Variants in PSMA8 observed in about 807,000 individuals in gnomAD.
The protein encoded by PSMA8 is proteasome subunit alpha-type 8.
In PSMA8, 18 loss-of-function variants were observed where a neutral mutation model predicts 32.4. That is an observed-to-expected ratio of 0.56 (90% confidence interval 0.38 to 0.82). PSMA8 has a LOEUF of 0.82. Ranked by LOEUF, PSMA8 falls within the 40% of genes least tolerant of loss-of-function variation. The pLI, the probability that PSMA8 is intolerant of heterozygous loss-of-function variation, is 0.00. For synonymous variants in PSMA8, 104 were observed against 98.1 expected, an observed-to-expected ratio of 1.06 and a Z score of -0.36; for missense variants, 298 against 300.7, an observed-to-expected ratio of 0.99 and a Z score of 0.07.
At chr18:26,164,899 T>G (rs1172725064) in intron 4 of PSMA8, among the ~76,000 whole-genome samples, 2 of 151,972 alleles carry the variant, frequency 1.3e-5, no homozygotes, top group African/African-American at 4.8e-5. Context: ...TTGGAGTTTT[T>G]GGTTTTTTTG....
chr18:26,143,507 A>G (rs2054976006), intron 1 of PSMA8, among the ~76,000 whole-genome samples: 1 of 152,224 alleles, frequency 6.6e-6, no homozygotes, highest in Non-Finnish European at 1.5e-5. Context: ...TTTATAAAGT[A>G]TATAATAATC....
intron 4 of PSMA8, among the ~76,000 whole-genome samples, chr18:26,164,781 T>G (rs2144318904): frequency 6.6e-6 from 1 of 152,312 alleles, no homozygotes; most frequent in Non-Finnish European, 1.5e-5. Flanking sequence ...AAATATGGAT[T>G]GTATATTAGA....
At chr18:26,182,400 A>C (rs931639263) in intron 6 of PSMA8, among the ~76,000 whole-genome samples, 1 of 152,222 alleles carries the variant, frequency 6.6e-6, no homozygotes, top group African/African-American at 2.4e-5. Context: ...GCAGCTGGTA[A>C]CTTTAAGTAG....
chr18:26,176,398 G>A (rs2055264038), intron 4 of PSMA8, among the ~76,000 whole-genome samples: 1 of 152,130 alleles, frequency 6.6e-6, no homozygotes, highest in Non-Finnish European at 1.5e-5. Context: ...TCAAAGTCAT[G>A]CCAGGCTGAA....
intron 2 of PSMA8, among the ~76,000 whole-genome samples, chr18:26,148,998 G>A (rs1044746701): frequency 1.3e-5 from 2 of 151,840 alleles, no homozygotes; most frequent in Non-Finnish European, 1.5e-5. Context: ...CACTGCACCT[G>A]GCAATTTTTT....
At chr18:26,150,341 T>G (rs2055035472) in intron 2 of PSMA8, among the ~76,000 whole-genome samples, 1 of 133,850 alleles carries the variant, frequency 7.5e-6, no homozygotes, top group South Asian at 2.2e-4. Flanking sequence ...ATTTGATTCC[T>G]TTTTTTTTTT....
At chr18:26,186,261 A>C (rs1253381432) in intron 6 of PSMA8, among the ~76,000 whole-genome samples, 3 of 134,756 alleles carry the variant, frequency 2.2e-5, no homozygotes, top group African/African-American at 7.2e-5. Context: ...AAAAAAAAAA[A>C]AAAAAAAAAA....
intron 2 of PSMA8, among the ~76,000 whole-genome samples, chr18:26,151,156 C>T (rs1381635962): frequency 6.6e-6 from 1 of 152,104 alleles, no homozygotes; most frequent in Non-Finnish European, 1.5e-5. Context: ...GGAAGGGAAA[C>T]AAGAATTTGT....
intron 1 of PSMA8, chr18:26,139,915 A>G (rs1217651072): frequency 1.7e-6 from 1 of 588,552 alleles, no homozygotes; most frequent in African/African-American, 1.9e-5. Context: ...TTGTTCGCAT[A>G]GTGTTTTCCT....
At chr18:26,186,267 A>C (rs992162674) in intron 6 of PSMA8, among the ~76,000 whole-genome samples, 2 of 145,420 alleles carry the variant, frequency 1.4e-5, no homozygotes, top group Non-Finnish European at 3.0e-5. Flanking sequence ...AAAAAAAAAA[A>C]AAAAAAAAAA....
intron 4 of PSMA8, among the ~76,000 whole-genome samples, chr18:26,174,829 C>T (rs770571491): frequency 3.3e-5 from 5 of 152,084 alleles, no homozygotes; most frequent in Non-Finnish European, 5.9e-5. Context: ...GTTTTGTTAC[C>T]AAAGTACATC....
At chr18:26,157,445 C>T (rs1000028220) in intron 3 of PSMA8, among the ~76,000 whole-genome samples, 3 of 151,730 alleles carry the variant, frequency 2.0e-5, no homozygotes, top group Non-Finnish European at 2.9e-5. Context: ...CTTCTTTGCA[C>T]GACTTTTGGG....
chr18:26,142,800 C>G (rs1404266534), intron 1 of PSMA8, among the ~76,000 whole-genome samples: 1 of 152,142 alleles, frequency 6.6e-6, no homozygotes, highest in Non-Finnish European at 1.5e-5. Flanking sequence ...TCTTAGGCCT[C>G]TTTAATAAGG....
chr18:26,139,838 G>A (rs1377834152), intron 1 of PSMA8, among the ~76,000 whole-genome samples: 1 of 152,162 alleles, frequency 6.6e-6, no homozygotes, highest in Non-Finnish European at 1.5e-5. Context: ...GATTAAAGTG[G>A]AATGGTCTTA....
In PSMA8 at chr18:26,144,554, G is replaced by T; in HGVS notation, c.103-5G>T. Reference sequence around the variant, plus strand: ...GAATATATATGTATTTTAATGACTTGACAGGTCGGAATTCGAGGTACCAAT... The same window carrying T: ...GAATATATATGTATTTTAATGACTTTACAGGTCGGAATTCGAGGTACCAAT... On this transcript the variant is annotated splice_region_variant and splice_polypyrimidine_tract_variant and intron_variant, in intron 1 of 6. Coordinates refer to ENST00000415576, the MANE Select transcript of PSMA8 (RefSeq NM_001025096.2). 1 of 1,610,762 alleles carries T rather than the reference G, an allele frequency of 6.2e-7. No homozygotes were observed. Among genetic ancestry groups the T allele is most frequent in the South Asian group, 1.1e-5 (1 of 90,834 alleles).
At chr18:26,178,107 A>G (rs1007022145) in intron 4 of PSMA8, among the ~76,000 whole-genome samples, 3 of 152,144 alleles carry the variant, frequency 2.0e-5, no homozygotes, top group Non-Finnish European at 2.9e-5. Context: ...AGTCCCAGCT[A>G]CTTGGGAGTC....
intron 4 of PSMA8, among the ~76,000 whole-genome samples, chr18:26,162,451 T>C (rs2055142758): frequency 6.6e-6 from 1 of 152,212 alleles, no homozygotes; most frequent in Admixed American, 6.5e-5. Context: ...GAAAATTTTT[T>C]AGTGGAGTAA....
intron 1 of PSMA8, among the ~76,000 whole-genome samples, chr18:26,136,596 C>T (rs2144263870): frequency 6.6e-6 from 1 of 152,284 alleles, no homozygotes; most frequent in Non-Finnish European, 1.5e-5. Flanking sequence ...TATAATGAAG[C>T]CTTCTCTGAT....
rs114720687 is a variant in PSMA8 at position 26,156,796 on chromosome 18, T to G, written c.355-1326T>G. Among the ~76,000 whole-genome samples the G allele has an allele frequency of 5.1e-3, 771 of 150,678 alleles. 6 individuals carry two copies. The highest frequency in any genetic ancestry group is 0.018 in the African/African-American group (727 of 41,244). On this transcript the variant is annotated intron_variant, in intron 3 of 6. Coordinates refer to ENST00000415576, the MANE Select transcript of PSMA8 (RefSeq NM_001025096.2). ...TGCTACTCTATATAGATTTTGTTGT[T>G]GTTTTTTTGAGACAGGATCTCACTC...
Sources: gnomAD v4.1 joint callset for allele counts (sites outside exome capture counted in the v4.1 genomes callset) on GRCh38, gnomAD v4.1.1 for gene constraint, MANE v1.5 for transcripts, NCBI Gene and HGNC (gene_info 2026-07-23, HGNC 2026-07-21) for gene names.